ABCB1: variants seen among roughly 807,000 people sequenced by gnomAD.
ABCB1 encodes ATP-dependent translocase ABCB1.
ABCB1 carries 69 observed loss-of-function variants against 142.0 expected under a neutral mutation model. The observed-to-expected ratio is 0.49, with a 90% CI of 0.40 to 0.59. The LOEUF (loss-of-function observed/expected upper bound fraction) is 0.59. Among genes scored for constraint, ABCB1 ranks in the 20% least tolerant of loss-of-function variants. The pLI is 0.00. For synonymous variants in ABCB1, 532 were observed against 539.2 expected (o/e 0.99, Z 0.18); for missense variants, 1,326 against 1,554.7 (o/e 0.85, Z 2.47).
intron 5 of ABCB1, among the ~76,000 whole-genome samples, chr7:87,567,365 G>A (rs946781960): frequency 9.8e-5 from 15 of 152,328 alleles, no homozygotes; most frequent in Non-Finnish European, 1.8e-4. Flanking sequence ...TGTGAAAGAT[G>A]GTGTGGTATA....
At chr7:87,550,945 C>T (rs750147537) in intron 9 of ABCB1, 107 bp from the exon 10 acceptor site, 28 of 728,662 alleles carry the variant, frequency 3.8e-5, no homozygotes, top group Middle Eastern at 2.3e-4. Flanking sequence ...TTTAAAATGG[C>T]GAGGCAACAT....
At chr7:87,515,203 A>G in intron 25 of ABCB1, 28 bp downstream of exon 25, 1 of 1,611,962 alleles carries the variant, frequency 6.2e-7, no homozygotes, top group Non-Finnish European at 8.5e-7. Flanking sequence ...GAAAACCTGA[A>G]CTGAGCTAAA....
At chr7:87,619,361 A>G (rs894836943) in intron 1 of ABCB1, among the ~76,000 whole-genome samples, 3 of 152,060 alleles carry the variant, frequency 2.0e-5, no homozygotes, top group African/African-American at 7.2e-5. Flanking sequence ...CAACATGCCG[A>G]AACCCCGTCT....
At chr7:87,628,027 C>G (rs1279304352) in intron 1 of ABCB1, among the ~76,000 whole-genome samples, 2 of 152,192 alleles carry the variant, frequency 1.3e-5, no homozygotes, top group East Asian at 3.9e-4. Flanking sequence ...GGCCCAAGGT[C>G]GGGTGTGGGA....
At chr7:87,530,681 T>C (rs1359909487) in intron 21 of ABCB1, among the ~76,000 whole-genome samples, 2 of 151,724 alleles carry the variant, frequency 1.3e-5, no homozygotes, top group Admixed American at 6.6e-5. Context: ...AAAACAGATA[T>C]AATAAATACC....
chr7:87,628,946 G>A, intron 1 of ABCB1: 1 of 1,309,474 alleles, frequency 7.6e-7, no homozygotes, highest in Non-Finnish European at 9.8e-7. Flanking sequence ...CCGTGTGCAG[G>A]TACGGCAGCG....
chr7:87,645,069 C>T (rs903012080), intron 1 of ABCB1, among the ~76,000 whole-genome samples: 3 of 149,646 alleles, frequency 2.0e-5, no homozygotes, highest in Non-Finnish European at 4.4e-5. Context: ...TAGTCACAAT[C>T]ATGCTTTCTT....
chr7:87,564,147 A>G (rs1817692228), intron 7 of ABCB1: 2 of 452,346 alleles, frequency 4.4e-6, no homozygotes, highest in South Asian at 3.2e-5. Flanking sequence ...ACCTGCACTT[A>G]CACCCCTGAA....
In ABCB1 at chr7:87,626,524, T is replaced by TATATATGTGTCACATATATGTGTC. The variant is rs1820592565; in HGVS notation, c.-330-25447_-330-25446insGACACATATATGTGACACATATAT. ...ATATATGTGTCATATATATGTGTCATATATATGTGTCATATATGTGTCATA... is the reference window on the plus strand; with the variant it reads ...ATATATGTGTCATATATATGTGTCATATATATGTGTCACATATATGTGTCATATATGTGTCATATATGTGTCATA... On this transcript the variant is annotated intron_variant, in intron 1 of 28. Transcript: ENST00000265724. 1.4e-4 allele frequency among the ~76,000 whole-genome samples: 2 copies of TATATATGTGTCACATATATGTGTC among 14,212 alleles called. 1 individual carries two copies. Among genetic ancestry groups the TATATATGTGTCACATATATGTGTC allele is most frequent in the Non-Finnish European group, 2.1e-4 (2 of 9,740 alleles). 9.3% of individuals were successfully genotyped at this position (14,212 alleles called of 152,430 possible).
In ABCB1 at chr7:87,549,870, A is replaced by C; in HGVS notation, c.1535T>G (p.Phe512Cys). The change falls in exon 13 of 28, where the codon TTT becomes TGT. Residue 512 changes from phenylalanine to cysteine, a missense_variant. Physicochemically the swap from Phe to Cys is radical, Grantham distance 205. Transcript: ENST00000622132. ...ACTTACATGAGGCAGTTTCATGATAAAGTCATAGGCATTGGCTTCCTTGAC... is the reference window on the plus strand; with the variant it reads ...ACTTACATGAGGCAGTTTCATGATACAGTCATAGGCATTGGCTTCCTTGAC... ...KAVKEANAYD[F>C]IMKLPHKFDT... is the part of the protein sequence containing the mutation. 6.2e-7 allele frequency: 1 copy of C among 1,614,186 alleles called. No individual in the cohort carries two copies. Among genetic ancestry groups the C allele is most frequent in the Non-Finnish European group, 8.5e-7 (1 of 1,180,022 alleles).
intron 1 of ABCB1, among the ~76,000 whole-genome samples, chr7:87,690,365 A>G (rs1239632782): frequency 6.6e-6 from 1 of 152,118 alleles, no homozygotes; most frequent in African/African-American, 2.4e-5. Context: ...TGACTTTTAA[A>G]CTTCAAAAGA....
At chr7:87,513,078 G>A (rs969277271) in intron 25 of ABCB1, among the ~76,000 whole-genome samples, 3 of 152,122 alleles carry the variant, frequency 2.0e-5, no homozygotes, top group South Asian at 2.1e-4. Context: ...GTAAGCTAAC[G>A]GCTTAACTCA....
intron 20 of ABCB1, among the ~76,000 whole-genome samples, chr7:87,535,646 T>C (rs536514697): frequency 6.6e-6 from 1 of 152,348 alleles, no homozygotes; most frequent in African/African-American, 2.4e-5. Context: ...CTAAGGTTTA[T>C]ATTTCAACGT....
chr7:87,608,876 G>T (rs1296480167), intron 1 of ABCB1, among the ~76,000 whole-genome samples: 2 of 152,102 alleles, frequency 1.3e-5, no homozygotes, highest in East Asian at 3.9e-4. Flanking sequence ...CAGTTGGTTA[G>T]ATCTGACTTT....
chr7:87,553,715 T>C (rs372508130), intron 9 of ABCB1, 46 bp downstream of exon 9: 15 of 1,575,924 alleles, frequency 9.5e-6, no homozygotes, highest in East Asian at 2.2e-5. Flanking sequence ...CTGGATTTCA[T>C]TGGCATTTTA....
rs200145912 is a variant in ABCB1, at chr7:87,519,307, A to T, written c.2927+19T>A. The T allele has an allele frequency of 6.2e-7, 1 of 1,612,368 alleles. No individual in the cohort carries two copies. The highest frequency in any genetic ancestry group is 8.5e-7 in the Non-Finnish European group (1 of 1,178,548). On this transcript the variant is annotated intron_variant, in intron 23 of 27. Transcript: ENST00000622132. ...AGCTTTATTTTTAGAGCTTAACTAA[A>T]TAATAGCCCAATACTTACAACAGAA...
chr7:87,652,646 A>ATATATATAT (rs1563105075), intron 1 of ABCB1, among the ~76,000 whole-genome samples: 9 of 147,166 alleles, frequency 6.1e-5, no homozygotes, highest in African/African-American at 2.0e-4. Flanking sequence ...ATATATATAT[A>ATATATATAT]GTAGGAAGTA....
At chr7:87,563,380 A>G in intron 7 of ABCB1, 1 of 455,664 alleles carries the variant, frequency 2.2e-6, no homozygotes, top group South Asian at 1.6e-5. Context: ...TTGGGCCAGT[A>G]TCCTTGATGA....
intron 19 of ABCB1, chr7:87,536,918 G>A (rs995111958): frequency 4.2e-5 from 12 of 288,474 alleles, no homozygotes; most frequent in Non-Finnish European, 6.7e-5. Flanking sequence ...AGACTGGGGA[G>A]GGGAAACAGA....
Sources: allele counts gnomAD v4.1 joint callset (sites outside exome capture counted in the v4.1 genomes callset), GRCh38; gene constraint gnomAD v4.1.1; transcripts MANE v1.5; gene names NCBI Gene and HGNC (gene_info 2026-07-23, HGNC 2026-07-21).